The following ZNF473 variants were observed in gnomAD, a reference collection of about 807,000 sequenced individuals.
The protein encoded by ZNF473 is zinc finger protein 100 homolog.
Under a neutral mutation model 11.1 loss-of-function variants are expected in ZNF473, and 4 were observed. That is an observed-to-expected ratio of 0.36 (90% CI 0.18 to 0.82). The LOEUF is 0.82. Among genes scored for constraint, ZNF473 ranks in the 40% least tolerant of loss-of-function variants. ZNF473 has a pLI of 0.49. For synonymous variants in ZNF473, 404 were observed against 390.4 expected (o/e 1.03, Z -0.41); for missense variants, 854 against 1,084.0 (o/e 0.79, Z 2.98).
At chr19:50,044,028 A>T (rs1193185678) in intron 4 of ZNF473, among the ~76,000 whole-genome samples, 2 of 152,150 alleles carry the variant, frequency 1.3e-5, no homozygotes, top group African/African-American at 4.8e-5. Flanking sequence ...GCAGGAAGCC[A>T]TGGAAGGGTT....
chr19:50,029,019 G>C (rs763920529), intron 1 of ZNF473, among the ~76,000 whole-genome samples: 8 of 152,160 alleles, frequency 5.3e-5, no homozygotes, highest in Non-Finnish European at 7.3e-5. Flanking sequence ...CTACTACAGG[G>C]TATTTTTTAA....
intron 2 of ZNF473, among the ~76,000 whole-genome samples, chr19:50,036,530 T>C (rs1392128897): frequency 6.6e-6 from 1 of 150,962 alleles, no homozygotes; most frequent in Non-Finnish European, 1.5e-5. Flanking sequence ...TTCACTGTGT[T>C]AGCCAGGATG....
At chr19:50,043,966 A>G (rs1279459686) in intron 4 of ZNF473, among the ~76,000 whole-genome samples, 3 of 152,198 alleles carry the variant, frequency 2.0e-5, no homozygotes, top group Non-Finnish European at 4.4e-5. Context: ...CAAGAGTTCT[A>G]TGAGGTCAGC....
rs957582185 is a variant in ZNF473, at chr19:50,048,369, G to C, written c.*1310G>C. On this transcript the variant is annotated 3_prime_UTR_variant, in exon 5 of 5. Transcript: ENST00000270617. ...TACTTTGAATACCTTTCATATTTTA[G>C]GTGCTGAAAATGGTGAGGGAGTGAG... 2 of 152,202 alleles carry C rather than the reference G, an allele frequency of 1.3e-5. No homozygotes were observed. The highest frequency in any genetic ancestry group is 2.9e-5 in the Non-Finnish European group (2 of 68,048). The allele number at this position is 152,202 out of a possible 1,614,324, so 9.4% of individuals were successfully genotyped here.
At chr19:50,033,281 A>G (rs1325338699) in intron 2 of ZNF473, among the ~76,000 whole-genome samples, 1 of 152,036 alleles carries the variant, frequency 6.6e-6, no homozygotes, top group African/African-American at 2.4e-5. Flanking sequence ...TGGCTCTAAG[A>G]TGGGGTCTGG....
In ZNF473 at chr19:50,039,184, C is replaced by T. The variant is rs759378236; in HGVS notation, c.33C>T (p.Val11=). ...AGGAATTTGTGACCCTCAAGGATGT[C>T]GGCATGGACTTCACCTTGGGAGACT... MAEEFVTLKD[V]GMDFTLGDWE... is the part of the protein sequence containing the mutation. The change falls in exon 3 of 5, where the codon GTC becomes GTT. Residue 11 remains valine (V), a synonymous_variant. Transcript: ENST00000270617. The surrounding 1 kb of genome is among the most constrained non-coding windows in gnomAD (Gnocchi z 4.8). The T allele has an allele frequency of 1.5e-5, 24 of 1,613,972 alleles. No homozygotes were observed. Among genetic ancestry groups the T allele is most frequent in the African/African-American group, 9.3e-5 (7 of 74,902 alleles).
Position 50,039,031 on chromosome 19 carries a change from T to C in ZNF473, c.10-130T>C, listed in dbSNP as rs1371313402. 6.7e-6 allele frequency: 8 copies of C among 1,188,168 alleles called. No individual in the cohort carries two copies. The highest frequency in any genetic ancestry group is 9.6e-6 in the Non-Finnish European group (8 of 832,984). 73.6% of individuals were successfully genotyped at this position (1,188,168 alleles called of 1,614,324 possible). On this transcript the variant is annotated intron_variant, in intron 2 of 4. Coordinates refer to ENST00000270617, the MANE Select transcript of ZNF473 (RefSeq NM_015428.4). The surrounding 1 kb of genome is among the most constrained non-coding windows in gnomAD (Gnocchi z 4.8). ...TCCAGTCTCTTACATCTCAAGATTC[T>C]TGTGAGGCTGAGGATGGGATGGTTT...
At chr19:50,030,598 G>C (rs1166677862) in intron 1 of ZNF473, among the ~76,000 whole-genome samples, 1 of 152,132 alleles carries the variant, frequency 6.6e-6, no homozygotes, top group Admixed American at 6.6e-5. Flanking sequence ...TTGTTCCATT[G>C]GTTCTTTAGA....
intron 4 of ZNF473, chr19:50,042,046 G>T (rs1023052983): frequency 8.3e-6 from 3 of 361,806 alleles, no homozygotes; most frequent in African/African-American, 4.3e-5. Flanking sequence ...TTCAGCACAG[G>T]GTTATCCTGG....
In ZNF473 at chr19:50,039,487, C is replaced by T. The variant is rs1325148229; in HGVS notation, c.136+200C>T. Among the ~76,000 whole-genome samples the T allele has an allele frequency of 1.3e-5, 2 of 152,268 alleles. No homozygotes were observed. The highest frequency in any genetic ancestry group is 6.5e-5 in the Admixed American group (1 of 15,292). ...ATTGTTACTCCTTGGGCCAGCGCAG[C>T]GTGCCGCTAGCATCTAGCTGGTGGA... On this transcript the variant is annotated intron_variant, in intron 3 of 4. Transcript: ENST00000270617. The surrounding 1 kb of genome is among the most constrained non-coding windows in gnomAD (Gnocchi z 4.8).
At position 50,030,970 on chromosome 19, in the gene ZNF473, G is replaced by T; in HGVS notation, c.-113G>T. ...CAGCATGGACAGCGAGTCAGCCATG[G>T]GTGGAAGGGAGGCTTTCTCACAGCT... On this transcript the variant is annotated 5_prime_UTR_variant, in exon 2 of 5. Transcript: ENST00000270617. 5.4e-6 allele frequency: 8 copies of T among 1,473,460 alleles called. No individual in the cohort carries two copies. Among genetic ancestry groups the T allele is most frequent in the South Asian group, 1.2e-5 (1 of 82,416 alleles). The allele number at this position is 1,473,460 out of a possible 1,614,324, so 91.3% of individuals were successfully genotyped here. A position where few individuals can be genotyped will look rare whatever the true frequency, so the allele number is the denominator to read the frequency against.
intron 1 of ZNF473, among the ~76,000 whole-genome samples, chr19:50,030,514 A>G (rs2077312149): frequency 6.6e-6 from 1 of 152,320 alleles, no homozygotes; most frequent in Admixed American, 6.5e-5. Flanking sequence ...TGTCTCCAAA[A>G]AAGAGTAACA....
At position 50,039,325 on chromosome 19, in the gene ZNF473, C is replaced by A; in HGVS notation, c.136+38C>A. Reference sequence around the variant, plus strand: ...TGTCCCCAGGGGCCTACTCACTGCCCTGCTTGGTGATCACCCATGCTCTCT... The same window carrying A: ...TGTCCCCAGGGGCCTACTCACTGCCATGCTTGGTGATCACCCATGCTCTCT... On this transcript the variant is annotated intron_variant, in intron 3 of 4. Coordinates refer to ENST00000270617, the MANE Select transcript of ZNF473 (RefSeq NM_015428.4). This position sits in a 1 kb window ranked among gnomAD's most constrained non-coding sequence, Gnocchi z 4.8. 1 of 1,611,662 alleles carries A rather than the reference C, an allele frequency of 6.2e-7. No homozygotes were observed. The highest frequency in any genetic ancestry group is 1.1e-5 in the South Asian group (1 of 90,846).
At chr19:50,037,111 G>A (rs1978490292) in intron 2 of ZNF473, among the ~76,000 whole-genome samples, 1 of 152,188 alleles carries the variant, frequency 6.6e-6, no homozygotes, top group Non-Finnish European at 1.5e-5. Flanking sequence ...CAGATGCCTG[G>A]AGGGTTGGGA....
intron 1 of ZNF473, among the ~76,000 whole-genome samples, chr19:50,028,314 A>G (rs1453797679): frequency 6.9e-6 from 1 of 144,826 alleles, no homozygotes; most frequent in South Asian, 2.1e-4. Context: ...AAAAAAAAAA[A>G]CAAATTTAAT....
chr19:50,036,956 ATT>A (rs1456307796), intron 2 of ZNF473, among the ~76,000 whole-genome samples: 1 of 152,152 alleles, frequency 6.6e-6, no homozygotes, highest in Non-Finnish European at 1.5e-5. Context: ...GAAAGTGACT[ATT>A]TGGGCCTTGA....
rs1373237255 is a variant in ZNF473 at position 50,045,788 on chromosome 19, C to T, written c.1345C>T (p.His449Tyr). The change falls in exon 5 of 5, where the codon CAT (histidine) becomes TAT (tyrosine). Residue 449 changes from histidine (H) to tyrosine (Y), a missense_variant. Coordinates refer to ENST00000270617, the MANE Select transcript of ZNF473 (RefSeq NM_015428.4). ...AFHRHTHLNE[H>Y]RRIHTGYRPH... ...CCACCGGCACACTCACCTTAATGAA[C>T]ATCGGCGAATTCATACAGGCTACAG... is the stretch of plus-strand genomic sequence containing the variant. The T allele has an allele frequency of 2.5e-6, 4 of 1,614,150 alleles. No individual in the cohort carries two copies. The South Asian group carries it at 4.4e-5, about 18-fold the overall frequency.
chr19:50,043,448 A>AAATATAT (rs1259545565), intron 4 of ZNF473: 1 of 107,916 alleles, frequency 9.3e-6, no homozygotes. Flanking sequence ...AAAAAAAAAA[A>AAATATAT]ATATATATAT....
rs370493722 is a variant in ZNF473, at chr19:50,046,915, C to T, written c.2472C>T (p.Val824=). ...GTAATGTGTGTGGCAAAGCTTTTGT[C>T]CTCAGTGCCCATCTCAACCAGCACC... The part of the protein sequence containing the change: ...YSCNVCGKAF[V]LSAHLNQHLR... Residue 824 remains valine, a synonymous_variant, in exon 5 of 5, where the codon GTC becomes GTT. Coordinates refer to ENST00000270617, the MANE Select transcript of ZNF473 (RefSeq NM_015428.4). The surrounding 1 kb of genome is among the most constrained non-coding windows in gnomAD (Gnocchi z 5.9). 6 of 1,614,082 alleles carry T rather than the reference C, an allele frequency of 3.7e-6. No homozygotes were observed. Among genetic ancestry groups the T allele is most frequent in the East Asian group, 2.2e-5 (1 of 44,896 alleles).
Sources: allele counts gnomAD v4.1 joint callset (sites outside exome capture counted in the v4.1 genomes callset), GRCh38; gene constraint gnomAD v4.1.1; non-coding constraint Gnocchi (gnomAD v3.1); transcripts MANE v1.5; gene names NCBI Gene and HGNC (gene_info 2026-07-23, HGNC 2026-07-21).